FAT3: variants seen among roughly 807,000 people sequenced by gnomAD.
FAT3 encodes the protein protocadherin Fat 3.
Under a neutral mutation model 310.2 loss-of-function variants are expected in FAT3, and 95 were observed. The observed-to-expected ratio is 0.31, with a 90% CI of 0.26 to 0.36. FAT3 has a LOEUF of 0.36. FAT3 is among the 10% of genes least tolerant of loss of function. The pLI is 1.00. For missense variants in FAT3, 5,408 were observed against 5,715.6 expected, an observed-to-expected ratio of 0.95 and a Z score of 1.74; for synonymous variants, 2,314 against 2,192.9, an observed-to-expected ratio of 1.06 and a Z score of -1.54.
chr11:92,799,034 T>C lies in FAT3; in HGVS notation c.6021T>C (p.Val2007=). ...CCAAAGTTGCTATTGTCAATGCAGTTGGAAATCGCCTTAATGAGCCCTTAA... is the reference window on the plus strand; with the variant it reads ...CCAAAGTTGCTATTGTCAATGCAGTCGGAAATCGCCTTAATGAGCCCTTAA... ...NITKVAIVNA[V]GNRLNEPLKY... is the part of the protein sequence containing the mutation. Residue 2007 remains valine, a synonymous_variant, in exon 10 of 28, where the codon GTT becomes GTC. Coordinates refer to ENST00000525166, the MANE Select transcript of FAT3 (RefSeq NM_001367949.2). 3.1e-6 allele frequency: 5 copies of C among 1,613,948 alleles called. No homozygotes were observed. The highest frequency in any genetic ancestry group is 4.2e-6 in the Non-Finnish European group (5 of 1,179,882).
intron 2 of FAT3, among the ~76,000 whole-genome samples, chr11:92,419,003 A>G (rs1402390635): frequency 6.6e-6 from 1 of 152,154 alleles, no homozygotes; most frequent in Non-Finnish European, 1.5e-5. Flanking sequence ...AATATTACAG[A>G]TGAAGCAAAA....
chr11:92,619,303 A>G (rs1378317319), intron 3 of FAT3, among the ~76,000 whole-genome samples: 2 of 152,182 alleles, frequency 1.3e-5, no homozygotes, highest in Non-Finnish European at 1.5e-5. Context: ...ATATATATTC[A>G]TAAGAGATAT....
At chr11:92,411,841 T>C (rs1267447313) in intron 2 of FAT3, among the ~76,000 whole-genome samples, 1 of 152,060 alleles carries the variant, frequency 6.6e-6, no homozygotes, top group African/African-American at 2.4e-5. Flanking sequence ...GGTGATCATA[T>C]TTTGTATAAT....
intron 13 of FAT3, among the ~76,000 whole-genome samples, chr11:92,821,670 G>C (rs542688863): frequency 6.6e-6 from 1 of 152,174 alleles, no homozygotes; most frequent in Non-Finnish European, 1.5e-5. Flanking sequence ...CCAAAAACAC[G>C]CATGTGATGT....
At chr11:92,773,125 A>G (rs575101261) in intron 6 of FAT3, among the ~76,000 whole-genome samples, 7 of 152,292 alleles carry the variant, frequency 4.6e-5, no homozygotes, top group African/African-American at 1.7e-4. Flanking sequence ...TCCCACATAC[A>G]TACCATTATT....
intron 2 of FAT3, among the ~76,000 whole-genome samples, chr11:92,473,397 C>A (rs1449665315): frequency 6.6e-6 from 1 of 152,132 alleles, no homozygotes; most frequent in Admixed American, 6.6e-5. Flanking sequence ...TATTTTCACA[C>A]CTTCTATCTG....
At position 92,883,741 on chromosome 11, in the gene FAT3, T is replaced by A. The variant is rs1337340687; in HGVS notation, c.12937+348T>A. Among the ~76,000 whole-genome samples, 3 of 152,100 alleles carry A rather than the reference T, an allele frequency of 2.0e-5. No homozygotes were observed. The highest frequency in any genetic ancestry group is 7.2e-5 in the African/African-American group (3 of 41,424). On this transcript the variant is annotated intron_variant, in intron 24 of 27. Coordinates refer to ENST00000525166, the MANE Select transcript of FAT3 (RefSeq NM_001367949.2). The surrounding 1 kb of genome is among the most constrained non-coding windows in gnomAD (Gnocchi z 4.2). ...TGCAAAAGAAAAGAAGAAAGTATAC[T>A]AGTTATTGTGTATAAATTATAATAG...
At chr11:92,676,068 A>T (rs1943279909) in intron 3 of FAT3, among the ~76,000 whole-genome samples, 1 of 152,218 alleles carries the variant, frequency 6.6e-6, no homozygotes, top group Non-Finnish European at 1.5e-5. Flanking sequence ...GAGGCCACAG[A>T]GATAAGAAAA....
chr11:92,861,648 C>T (rs1055247280), intron 21 of FAT3, among the ~76,000 whole-genome samples: 2 of 152,164 alleles, frequency 1.3e-5, no homozygotes, highest in African/African-American at 4.8e-5. Flanking sequence ...GTTGGGTTTG[C>T]CTAAAGCAGG....
intron 11 of FAT3, 144 bp from the exon 12 acceptor site, chr11:92,806,218 A>G (rs4753415): frequency 0.82 from 557,588 of 680,346 alleles, 230,069 homozygotes; most frequent in Middle Eastern, 0.86. Flanking sequence ...TAATATATTG[A>G]AATATGTTTC....
intron 4 of FAT3, among the ~76,000 whole-genome samples, chr11:92,747,321 G>A (rs1312414335): frequency 6.6e-6 from 1 of 152,224 alleles, no homozygotes; most frequent in Non-Finnish European, 1.5e-5. Flanking sequence ...ACCCTCTGAA[G>A]CAATGGCCTG....
chr11:92,718,598 A>T (rs967024705), intron 4 of FAT3, among the ~76,000 whole-genome samples: 2 of 152,130 alleles, frequency 1.3e-5, no homozygotes, highest in African/African-American at 4.8e-5. Context: ...AGTATATAGC[A>T]TCTGAAATTA....
chr11:92,525,970 A>G (rs1477345758), intron 3 of FAT3, among the ~76,000 whole-genome samples: 1 of 152,210 alleles, frequency 6.6e-6, no homozygotes, highest in South Asian at 2.1e-4. Context: ...AAAGAAAATT[A>G]TTGATTTTCT....
At chr11:92,524,519 A>T in intron 2 of FAT3, 115 bp from the exon 3 acceptor site, 1 of 879,898 alleles carries the variant, frequency 1.1e-6, no homozygotes, top group Non-Finnish European at 1.7e-6. Context: ...TATGTTATGG[A>T]TTTGGGTGTT....
chr11:92,778,841 CA>C (rs1946664240), intron 7 of FAT3, among the ~76,000 whole-genome samples: 1 of 152,068 alleles, frequency 6.6e-6, no homozygotes. Flanking sequence ...CATGGTGTTT[CA>C]AAGCACTATT....
At chr11:92,839,916 A>C (rs1468861972) in intron 17 of FAT3, among the ~76,000 whole-genome samples, 1 of 152,220 alleles carries the variant, frequency 6.6e-6, no homozygotes, top group African/African-American at 2.4e-5. Flanking sequence ...AGGACTTCCA[A>C]GAATTCTGAC....
chr11:92,313,963 A>G (rs1177469160), intron 1 of FAT3, among the ~76,000 whole-genome samples: 1 of 152,230 alleles, frequency 6.6e-6, no homozygotes, highest in African/African-American at 2.4e-5. Flanking sequence ...AACTGACTGT[A>G]TGGATTTTGA....
chr11:92,604,793 G>A (rs972791821), intron 3 of FAT3, among the ~76,000 whole-genome samples: 1 of 152,206 alleles, frequency 6.6e-6, no homozygotes, highest in African/African-American at 2.4e-5. Context: ...GCCAAACCAA[G>A]GAAGGAGTGA....
intron 2 of FAT3, among the ~76,000 whole-genome samples, chr11:92,501,737 G>C (rs369940760): frequency 1.3e-5 from 2 of 152,016 alleles, no homozygotes; most frequent in African/African-American, 4.8e-5. Flanking sequence ...GAAGCAACAT[G>C]TGCCAGTCGT....
Sources: allele counts gnomAD v4.1 joint callset (sites outside exome capture counted in the v4.1 genomes callset), GRCh38; gene constraint gnomAD v4.1.1; non-coding constraint Gnocchi (gnomAD v3.1); transcripts MANE v1.5; gene names NCBI Gene and HGNC (gene_info 2026-07-23, HGNC 2026-07-21).